The following GAPVD1 variants were observed in gnomAD, a reference collection of about 807,000 sequenced individuals.
The protein encoded by GAPVD1 is GTPase-activating protein and VPS9 domain-containing protein 1.
In GAPVD1, 35 loss-of-function variants were observed where a neutral mutation model predicts 155.5. That is an observed-to-expected ratio of 0.23 (90% confidence interval 0.17 to 0.30). The LOEUF (loss-of-function observed/expected upper bound fraction) is 0.30, where lower values mean the gene tolerates loss of function less well. GAPVD1 is among the 10% of genes least tolerant of loss of function. The pLI, the probability that GAPVD1 is intolerant of heterozygous loss-of-function variation, is 1.00. For missense variants in GAPVD1, 1,429 were observed against 1,775.7 expected (o/e 0.80, Z 3.51); for synonymous variants, 636 against 619.7 (o/e 1.03, Z -0.39).
At chr9:125,341,055 A>G in intron 17 of GAPVD1, 122 bp from the exon 18 acceptor site, 1 of 688,186 alleles carries the variant, frequency 1.5e-6, no homozygotes, top group South Asian at 1.5e-5. Flanking sequence ...ACTGCACTCC[A>G]GCCTGGGCAA....
At chr9:125,335,260 G>A (rs1450640160) in intron 15 of GAPVD1, 1 of 712,224 alleles carries the variant, frequency 1.4e-6, no homozygotes, top group African/African-American at 1.8e-5. Flanking sequence ...CTAGTAAGCT[G>A]TACATTAAAA....
chr9:125,365,236 A>T lies in GAPVD1; in HGVS notation c.*2490A>T, dbSNP rs1253196239. On this transcript the variant is annotated 3_prime_UTR_variant, in exon 28 of 28. Transcript: ENST00000297933. ...GGGGCAGCTAAGGTTTCCTCTGAAA[A>T]TCTGTCAGGAGCAAGGACTACTTTG... 1 of 152,140 alleles carries T rather than the reference A, an allele frequency of 6.6e-6. No homozygotes were observed. Among genetic ancestry groups the T allele is most frequent in the Non-Finnish European group, 1.5e-5 (1 of 68,044 alleles). The allele number at this position is 152,140 out of a possible 1,614,324, so 9.4% of individuals were successfully genotyped here. A position where few individuals can be genotyped will look rare whatever the true frequency, so the allele number is the denominator to read the frequency against.
At chr9:125,348,584 C>T (rs1335325465) in intron 20 of GAPVD1, among the ~76,000 whole-genome samples, 1 of 152,124 alleles carries the variant, frequency 6.6e-6, no homozygotes, top group Non-Finnish European at 1.5e-5. Flanking sequence ...GCAATCTTGG[C>T]TCACTGCAAC....
At chr9:125,274,449 A>G (rs920703489) in intron 2 of GAPVD1, among the ~76,000 whole-genome samples, 1 of 151,458 alleles carries the variant, frequency 6.6e-6, no homozygotes, top group Non-Finnish European at 1.5e-5. Flanking sequence ...ATTATATATA[A>G]TAAGCGCTTT....
intron 4 of GAPVD1, among the ~76,000 whole-genome samples, chr9:125,300,043 ATATATATAT>A: frequency 6.0e-5 from 1 of 16,780 alleles, no homozygotes. Flanking sequence ...AAAAAAATAT[ATATATATAT>A]ATATATATAT....
At chr9:125,294,997 G>A (rs1196241424) in intron 2 of GAPVD1, among the ~76,000 whole-genome samples, 1 of 151,660 alleles carries the variant, frequency 6.6e-6, no homozygotes, top group Non-Finnish European at 1.5e-5. Flanking sequence ...CTTCTTTCGA[G>A]TCAGACAGAA....
intron 25 of GAPVD1, among the ~76,000 whole-genome samples, chr9:125,358,004 C>T (rs1478250619): frequency 1.3e-5 from 2 of 151,804 alleles, no homozygotes; most frequent in Non-Finnish European, 2.9e-5. Context: ...CACACACACA[C>T]ACAAAACAAT....
chr9:125,312,549 G>A lies in GAPVD1; in HGVS notation c.1539G>A (p.Glu513=), dbSNP rs774728250. The change falls in exon 9 of 28, where the codon GAG becomes GAA. Residue 513 remains glutamate (E), a synonymous_variant. Transcript: ENST00000297933. ...CCATTCAGGAGGTGCAACCAGAAGA[G>A]GTGTTGGTCATTTCCTTAGGTACAG... ...QETIQEVQPE[E]VLVISLGTGP... 6.2e-7 allele frequency: 1 copy of A among 1,610,338 alleles called. No homozygotes were observed. Among genetic ancestry groups the A allele is most frequent in the Non-Finnish European group, 8.5e-7 (1 of 1,178,622 alleles).
At chr9:125,269,751 TC>T (rs1427986994) in intron 2 of GAPVD1, among the ~76,000 whole-genome samples, 1 of 126,570 alleles carries the variant, frequency 7.9e-6, no homozygotes, top group East Asian at 2.6e-4. Flanking sequence ...AGAGTCTCAC[TC>T]TGTTGCCCAG....
At chr9:125,293,842 A>AAAATATATTTTATATATAT (rs1564310410) in intron 2 of GAPVD1, among the ~76,000 whole-genome samples, 1 of 78,066 alleles carries the variant, frequency 1.3e-5, no homozygotes, top group African/African-American at 5.9e-5. Context: ...TATATATATA[A>AAAATATATTTTATATATAT]AAATATATTT....
chr9:125,335,115 C>T (rs1438329354), intron 15 of GAPVD1: 6 of 699,980 alleles, frequency 8.6e-6, no homozygotes, highest in Non-Finnish European at 1.6e-5. Context: ...CCACAATTTT[C>T]TGAAAAGGCT....
At chr9:125,332,144 A>G in intron 14 of GAPVD1, 84 bp downstream of exon 14, 1 of 1,278,104 alleles carries the variant, frequency 7.8e-7, no homozygotes, top group Non-Finnish European at 1.1e-6. Flanking sequence ...ATACAAAAAG[A>G]TATGTTATAT....
At chr9:125,325,345 AC>A (rs1488009786) in intron 11 of GAPVD1, among the ~76,000 whole-genome samples, 3 of 151,674 alleles carry the variant, frequency 2.0e-5, no homozygotes, top group African/African-American at 7.3e-5. Flanking sequence ...ACACGGTGAA[AC>A]CCTGTCTCTA....
At chr9:125,321,968 C>G (rs1048990870) in intron 10 of GAPVD1, among the ~76,000 whole-genome samples, 6 of 152,262 alleles carry the variant, frequency 3.9e-5, no homozygotes, top group Admixed American at 3.3e-4. Flanking sequence ...CTCACACTCA[C>G]ACATACCTTT....
At chr9:125,300,251 A>C (rs1261704850) in intron 4 of GAPVD1, among the ~76,000 whole-genome samples, 1 of 144,718 alleles carries the variant, frequency 6.9e-6, no homozygotes, top group African/African-American at 2.5e-5. Context: ...GCACAATCTC[A>C]GCTCACTGCA....
intron 1 of GAPVD1, among the ~76,000 whole-genome samples, chr9:125,265,981 A>C (rs936372425): frequency 6.7e-6 from 1 of 150,090 alleles, no homozygotes; most frequent in East Asian, 1.9e-4. Flanking sequence ...GGAAAAAAAA[A>C]CTGTTGGTTG....
rs1254038461 is a variant in GAPVD1, at chr9:125,365,294, G to C, written c.*2548G>C. ...CCATCACTGTTTGATTTCTTGACAGGTATGTGAGATGGGGAGTGATTTGAT... is the reference window on the plus strand; with the variant it reads ...CCATCACTGTTTGATTTCTTGACAGCTATGTGAGATGGGGAGTGATTTGAT... On this transcript the variant is annotated 3_prime_UTR_variant, in exon 28 of 28. Transcript: ENST00000297933. The C allele has an allele frequency of 6.6e-6, 1 of 151,498 alleles. No homozygotes were observed. Among genetic ancestry groups the C allele is most frequent in the Non-Finnish European group, 1.5e-5 (1 of 67,928 alleles). The allele number at this position is 151,498 out of a possible 1,614,324, so 9.4% of individuals were successfully genotyped here.
intron 9 of GAPVD1, among the ~76,000 whole-genome samples, chr9:125,315,170 T>TA (rs916158369): frequency 6.6e-6 from 1 of 152,104 alleles, no homozygotes; most frequent in African/African-American, 2.4e-5. Context: ...TAGTGATTGA[T>TA]AAAGTGATGG....
At chr9:125,321,585 G>A (rs759541707) in intron 10 of GAPVD1, 23 bp downstream of exon 10, 8 of 1,601,508 alleles carry the variant, frequency 5.0e-6, no homozygotes, top group Non-Finnish European at 6.0e-6. Context: ...TTCATTCAAG[G>A]AGTTGTGTGG....
Sources: gnomAD v4.1 joint callset for allele counts (sites outside exome capture counted in the v4.1 genomes callset) on GRCh38, gnomAD v4.1.1 for gene constraint, MANE v1.5 for transcripts, NCBI Gene and HGNC (gene_info 2026-07-23, HGNC 2026-07-21) for gene names.